The following PODXL variants were observed in gnomAD, a reference collection of about 807,000 sequenced individuals.
The protein encoded by PODXL is podocalyxin like.
In PODXL, 20 loss-of-function variants were observed where a neutral mutation model predicts 48.9. That is an observed-to-expected ratio of 0.41 (90% CI 0.29 to 0.59). PODXL has a LOEUF of 0.59. PODXL is among the 20% of genes least tolerant of loss of function. The pLI is 0.31. For missense variants in PODXL, 606 were observed against 675.1 expected (o/e 0.90, Z 1.13); for synonymous variants, 295 against 287.4 (o/e 1.03, Z -0.27).
At chr7:131,546,497 G>A (rs1162509921) in intron 1 of PODXL, among the ~76,000 whole-genome samples, 1 of 151,932 alleles carries the variant, frequency 6.6e-6, no homozygotes, top group African/African-American at 2.4e-5. Context: ...AGGCTGAGGC[G>A]GGCGGATCAC....
At chr7:131,550,087 G>A (rs1196716663) in intron 1 of PODXL, among the ~76,000 whole-genome samples, 2 of 152,264 alleles carry the variant, frequency 1.3e-5, no homozygotes, top group African/African-American at 4.8e-5. Flanking sequence ...TGCATTTTGT[G>A]CAGCCAATTA....
intron 1 of PODXL, among the ~76,000 whole-genome samples, chr7:131,517,625 C>G (rs537490483): frequency 1.3e-5 from 2 of 152,290 alleles, no homozygotes; most frequent in African/African-American, 4.8e-5. Context: ...ATGCTCCCTC[C>G]GAAGACACCA....
At chr7:131,526,317 C>T (rs960736608) in intron 1 of PODXL, among the ~76,000 whole-genome samples, 11 of 151,982 alleles carry the variant, frequency 7.2e-5, no homozygotes, top group African/African-American at 2.7e-4. Flanking sequence ...ATTTGAGCAA[C>T]AAAACAAGAA....
At chr7:131,552,387 C>A (rs1798681993) in intron 1 of PODXL, among the ~76,000 whole-genome samples, 2 of 152,180 alleles carry the variant, frequency 1.3e-5, no homozygotes, top group African/African-American at 2.4e-5. Flanking sequence ...TCCCTCCCTG[C>A]AAGGGGGGGA....
rs747223192 is a variant in PODXL, at chr7:131,511,124, G to C, written c.410C>G (p.Ser137Cys). 16 of 1,613,994 alleles carry C rather than the reference G, an allele frequency of 9.9e-6. No individual in the cohort carries two copies. The East Asian group carries it at 3.6e-4, about 36-fold the overall frequency. Reference sequence around the variant, plus strand: ...GGTGTTAGGTTTAGCTGTGGCTGTGGAGGTTGCAACTGTAGTGGTGTCTGC... The same window carrying C: ...GGTGTTAGGTTTAGCTGTGGCTGTGCAGGTTGCAACTGTAGTGGTGTCTGC... ...KSADTTTVAT[S>C]TATAKPNTTS... The change falls in exon 2 of 9, where the codon TCC (serine) becomes TGC (cysteine). Residue 137 changes from serine to cysteine, a missense_variant. By Grantham distance (112) the Ser-to-Cys change is moderately radical (BLOSUM62 -1). Transcript: ENST00000378555.
At chr7:131,545,778 G>A (rs1798565684) in intron 1 of PODXL, among the ~76,000 whole-genome samples, 1 of 152,236 alleles carries the variant, frequency 6.6e-6, no homozygotes, top group African/African-American at 2.4e-5. Context: ...CTTCTAAGAA[G>A]GGAAATGTAT....
intron 1 of PODXL, among the ~76,000 whole-genome samples, chr7:131,547,198 A>G (rs1472342607): frequency 6.6e-6 from 1 of 151,838 alleles, no homozygotes; most frequent in Non-Finnish European, 1.5e-5. Flanking sequence ...ACAAGGAGAA[A>G]CCCCGTCTCT....
rs186031292 is a variant in PODXL at position 131,511,880 on chromosome 7, G to A, written c.101-447C>T. Reference sequence around the variant, plus strand: ...CTGTCATGCATGCCCTGCCCTCCCCGTCCAGCCCCACACACATCCCCTTTA... The same window carrying A: ...CTGTCATGCATGCCCTGCCCTCCCCATCCAGCCCCACACACATCCCCTTTA... On this transcript the variant is annotated intron_variant, in intron 1 of 8. Transcript: ENST00000378555. 1.8e-3 allele frequency among the ~76,000 whole-genome samples: 281 copies of A among 152,220 alleles called. 1 individual carries two copies. The highest frequency in any genetic ancestry group is 4.1e-3 in the African/African-American group (171 of 41,518).
intron 1 of PODXL, among the ~76,000 whole-genome samples, chr7:131,554,163 A>G (rs1303618859): frequency 6.6e-6 from 1 of 152,160 alleles, no homozygotes; most frequent in Non-Finnish European, 1.5e-5. Context: ...CCAGGCGACC[A>G]CACCTTCAGA....
rs377180529 is a variant in PODXL at position 131,520,414 on chromosome 7, G to A, written c.101-8981C>T. The A allele has an allele frequency of 1.0e-4, 34 of 337,632 alleles. 1 individual carries two copies. Among genetic ancestry groups the A allele is most frequent in the East Asian group, 8.2e-4 (10 of 12,254 alleles). 20.9% of individuals were successfully genotyped at this position (337,632 alleles called of 1,614,324 possible). A position where few individuals can be genotyped will look rare whatever the true frequency, so the allele number is the denominator to read the frequency against. Reference sequence around the variant, plus strand: ...GCGGTTGTCCAGGAAACAGAATGAGGATGAAGATTCACCAAACAAGCTCTA... The same window carrying A: ...GCGGTTGTCCAGGAAACAGAATGAGAATGAAGATTCACCAAACAAGCTCTA... On this transcript the variant is annotated intron_variant, in intron 1 of 8. Transcript: ENST00000378555.
At position 131,528,783 on chromosome 7, in the gene PODXL, G is replaced by A. The variant is rs183806261; in HGVS notation, c.101-17350C>T. Among the ~76,000 whole-genome samples, 301 of 152,246 alleles carry A rather than the reference G, an allele frequency of 2.0e-3. 2 individuals carry two copies. The highest frequency in any genetic ancestry group is 1.7e-3 in the East Asian group (9 of 5,182). On this transcript the variant is annotated intron_variant, in intron 1 of 8. Coordinates refer to ENST00000378555, the MANE Select transcript of PODXL (RefSeq NM_001018111.3). ...TTTGCTAGGTATGACAGCAGGAGAG[G>A]GTGCAAGGAATTTGGGGATATCTTT...
rs890271692 is a variant in PODXL, at chr7:131,506,247, G to A, written c.1311+13C>T. On this transcript the variant is annotated intron_variant, in intron 7 of 8. Coordinates refer to ENST00000378555, the MANE Select transcript of PODXL (RefSeq NM_001018111.3). The stretch of plus-strand genomic sequence containing the variant: ...CGGAGCCACTCTGTCCCCACACTTG[G>A]GGGGCCGCTTACCTCCTTTAGTTCA... 6.2e-7 allele frequency: 1 copy of A among 1,613,758 alleles called. No homozygotes were observed. The highest frequency in any genetic ancestry group is 8.5e-7 in the Non-Finnish European group (1 of 1,179,640).
chr7:131,500,970 A>AGAT lies in PODXL; in HGVS notation c.*3338_*3340dup, dbSNP rs1797690864. 6.6e-6 allele frequency: 1 copy of AGAT among 152,172 alleles called. No individual in the cohort carries two copies. The highest frequency in any genetic ancestry group is 2.1e-4 in the South Asian group (1 of 4,828). 9.4% of individuals were successfully genotyped at this position (152,172 alleles called of 1,614,324 possible). On this transcript the variant is annotated 3_prime_UTR_variant, in exon 9 of 9. Coordinates refer to ENST00000378555, the MANE Select transcript of PODXL (RefSeq NM_001018111.3). ...TCAGATTATCTTTTTCTCTAGAAAA[A>AGAT]GATTGGACTAGATCTTGAAATACCT...
rs10227018 is a variant in PODXL at position 131,544,704 on chromosome 7, T to C, written c.100+11556A>G. 4.2e-3 allele frequency among the ~76,000 whole-genome samples: 638 copies of C among 152,230 alleles called. 7 individuals are homozygous for C. Among genetic ancestry groups the C allele is most frequent in the African/African-American group, 0.015 (605 of 41,540 alleles). ...GCTTGGCAGTGCCCCCGGGGCAGGA[T>C]GCAGGACTGCATCTGGCTGAACAAT... On this transcript the variant is annotated intron_variant, in intron 1 of 8. Transcript: ENST00000378555.
intron 8 of PODXL, 34 bp downstream of exon 8, chr7:131,505,834 T>C: frequency 1.3e-6 from 2 of 1,533,862 alleles, no homozygotes; most frequent in Non-Finnish European, 1.8e-6. Flanking sequence ...TGACCTGGGC[T>C]GCTTCCCCTG....
intron 1 of PODXL, among the ~76,000 whole-genome samples, chr7:131,539,190 G>A (rs1022504248): frequency 2.0e-5 from 3 of 152,238 alleles, no homozygotes; most frequent in Non-Finnish European, 4.4e-5. Flanking sequence ...AAGATGTGAT[G>A]CAGCCTCCAC....
Position 131,506,010 on chromosome 7 carries a change from C to G in PODXL, c.1337G>C (p.Gly446Ala), listed in dbSNP as rs1413856841. ...GGCCTCCTCCGGTGGCCCCTGGTCCCCTAGCTTCATGTCACTGACCCCTGC... is the reference window on the plus strand; with the variant it reads ...GGCCTCCTCCGGTGGCCCCTGGTCCGCTAGCTTCATGTCACTGACCCCTGC... The part of the protein sequence containing the change: ...KEAGVSDMKL[G>A]DQGPPEEAED... Residue 446 changes from glycine (G) to alanine (A), a missense_variant, in exon 8 of 9, where the codon GGG (glycine) becomes GCG (alanine). Coordinates refer to ENST00000378555, the MANE Select transcript of PODXL (RefSeq NM_001018111.3). 6.2e-7 allele frequency: 1 copy of G among 1,612,692 alleles called. No homozygotes were observed. Among genetic ancestry groups the G allele is most frequent in the Admixed American group, 1.7e-5 (1 of 59,868 alleles).
chr7:131,511,979 G>A (rs12671445), intron 1 of PODXL, among the ~76,000 whole-genome samples: 7 of 152,128 alleles, frequency 4.6e-5, no homozygotes, highest in African/African-American at 7.2e-5. Context: ...TCCCAGGCAC[G>A]TGGCCCACAG....
At chr7:131,525,503 G>A (rs574339837) in intron 1 of PODXL, among the ~76,000 whole-genome samples, 3 of 149,918 alleles carry the variant, frequency 2.0e-5, no homozygotes, top group East Asian at 2.0e-4. Flanking sequence ...CCAGCTACTC[G>A]GGAGGCAGGA....
Sources: gnomAD v4.1 joint callset for allele counts (sites outside exome capture counted in the v4.1 genomes callset) on GRCh38, gnomAD v4.1.1 for gene constraint, MANE v1.5 for transcripts, NCBI Gene and HGNC (gene_info 2026-07-23, HGNC 2026-07-21) for gene names.